The following PEX5L variants were observed in gnomAD, a reference collection of about 807,000 sequenced individuals.
PEX5L encodes the protein PEX5-related protein.
A neutral mutation model predicts 84.0 loss-of-function variants in PEX5L; 30 were observed. The observed-to-expected ratio is 0.36, with a 90% confidence interval of 0.27 to 0.48. PEX5L has a LOEUF of 0.48. PEX5L is among the 20% of genes least tolerant of loss of function. The probability of loss-of-function intolerance (pLI) is 0.99; values close to 1 mark genes in which losing one functional copy is unlikely to be tolerated. For missense variants in PEX5L, 533 were observed against 754.6 expected (o/e 0.71, Z 3.44); for synonymous variants, 270 against 283.1 (o/e 0.95, Z 0.46).
intron 2 of PEX5L, among the ~76,000 whole-genome samples, chr3:179,941,524 T>C (rs1318983639): frequency 1.3e-5 from 2 of 152,132 alleles, no homozygotes; most frequent in African/African-American, 4.8e-5. Flanking sequence ...ATTTCACAGA[T>C]GAAGGGACTG....
At chr3:179,839,583 C>A (rs1405175993) in intron 8 of PEX5L, among the ~76,000 whole-genome samples, 2 of 152,104 alleles carry the variant, frequency 1.3e-5, no homozygotes, top group Admixed American at 6.6e-5. Context: ...TTCTTTGGGT[C>A]CATTCACAGA....
At chr3:179,903,346 T>A (rs1475097967) in intron 2 of PEX5L, among the ~76,000 whole-genome samples, 1 of 152,116 alleles carries the variant, frequency 6.6e-6, no homozygotes, top group Non-Finnish European at 1.5e-5. Flanking sequence ...CTCAGCTTCC[T>A]AAGTAGCTGA....
At chr3:180,020,114 G>A (rs771143577) in intron 1 of PEX5L, among the ~76,000 whole-genome samples, 1 of 152,094 alleles carries the variant, frequency 6.6e-6, no homozygotes, top group Non-Finnish European at 1.5e-5. Flanking sequence ...AGAAAAATAT[G>A]AAAATAATCT....
intron 1 of PEX5L, among the ~76,000 whole-genome samples, chr3:180,034,328 C>A (rs1400445062): frequency 6.6e-6 from 1 of 152,166 alleles, no homozygotes; most frequent in Non-Finnish European, 1.5e-5. Flanking sequence ...ATCTGCTTAT[C>A]CCTGGTCCAC....
intron 1 of PEX5L, among the ~76,000 whole-genome samples, chr3:180,009,194 C>A (rs1789196107): frequency 6.6e-6 from 1 of 152,142 alleles, no homozygotes; most frequent in South Asian, 2.1e-4. Context: ...TTTATGGATT[C>A]ATTCACTAAA....
intron 3 of PEX5L, among the ~76,000 whole-genome samples, chr3:179,896,925 C>T (rs1012355005): frequency 6.6e-6 from 1 of 151,980 alleles, no homozygotes; most frequent in African/African-American, 2.4e-5. Context: ...AAATTTCTTT[C>T]CAATGATTAC....
intron 8 of PEX5L, among the ~76,000 whole-genome samples, chr3:179,857,094 C>T (rs1299526103): frequency 6.6e-6 from 1 of 152,106 alleles, no homozygotes; most frequent in Non-Finnish European, 1.5e-5. Flanking sequence ...AACTTGAAGC[C>T]TTCTAGGATT....
chr3:179,808,233 G>C, intron 13 of PEX5L, 39 bp downstream of exon 13: 1 of 1,492,326 alleles, frequency 6.7e-7, no homozygotes, highest in South Asian at 1.4e-5. Flanking sequence ...ATTTGTTACA[G>C]AGAACGCTGT....
At chr3:179,839,620 T>C (rs779111934) in intron 8 of PEX5L, among the ~76,000 whole-genome samples, 3 of 152,190 alleles carry the variant, frequency 2.0e-5, no homozygotes, top group South Asian at 2.1e-4. Context: ...TTCAATGCCA[T>C]AGAAACTCAC....
At chr3:179,970,759 C>T (rs1324382920) in intron 2 of PEX5L, among the ~76,000 whole-genome samples, 1 of 152,222 alleles carries the variant, frequency 6.6e-6, no homozygotes, top group Admixed American at 6.6e-5. Flanking sequence ...AATTCAGGTG[C>T]CTTTCTGTAA....
chr3:179,923,184 G>A (rs544873267), intron 2 of PEX5L, among the ~76,000 whole-genome samples: 6 of 151,614 alleles, frequency 4.0e-5, no homozygotes, highest in South Asian at 2.1e-4. Context: ...CCAGTTACTC[G>A]GGAGGCTGAG....
Position 179,925,230 on chromosome 3 carries a change from G to A in PEX5L, c.94-26984C>T, listed in dbSNP as rs541911945. Among the ~76,000 whole-genome samples, 10 of 152,244 alleles carry A rather than the reference G, an allele frequency of 6.6e-5. No individual in the cohort carries two copies. In the South Asian group the frequency reaches 2.1e-3, roughly 32 times the overall value. On this transcript the variant is annotated intron_variant, in intron 2 of 14. Transcript: ENST00000467460. ...TTTTCTTAATTTAATTTTTTGAATA[G>A]GTGTTACATTGATAGCGTTCAAAAA...
intron 1 of PEX5L, among the ~76,000 whole-genome samples, chr3:180,024,644 C>T (rs1790775693): frequency 6.6e-6 from 1 of 151,518 alleles, no homozygotes; most frequent in Non-Finnish European, 1.5e-5. Flanking sequence ...ATTGTGAGTA[C>T]AGCTCCTTCC....
intron 2 of PEX5L, among the ~76,000 whole-genome samples, chr3:179,963,363 T>TA (rs1045173776): frequency 6.6e-6 from 1 of 152,232 alleles, no homozygotes; most frequent in Non-Finnish European, 1.5e-5. Flanking sequence ...GGGGATTTTT[T>TA]ACATTTTAAA....
chr3:179,877,136 T>G (rs1752688331), intron 5 of PEX5L, among the ~76,000 whole-genome samples: 1 of 152,246 alleles, frequency 6.6e-6, no homozygotes, highest in Non-Finnish European at 1.5e-5. Flanking sequence ...GAATTAGGGA[T>G]GCTCAACCTG....
intron 2 of PEX5L, among the ~76,000 whole-genome samples, chr3:179,942,440 G>A (rs1278736446): frequency 1.3e-5 from 2 of 152,246 alleles, no homozygotes; most frequent in African/African-American, 4.8e-5. Context: ...GCTGGGCGGG[G>A]CTGGAGCCTG....
chr3:180,005,735 A>AG (rs925184500), intron 1 of PEX5L, among the ~76,000 whole-genome samples: 2 of 151,990 alleles, frequency 1.3e-5, no homozygotes, highest in African/African-American at 4.8e-5. Context: ...TCTCAAAAAA[A>AG]AAAAAATTAT....
intron 2 of PEX5L, among the ~76,000 whole-genome samples, chr3:179,899,181 G>A (rs928316781): frequency 6.6e-6 from 1 of 152,002 alleles, no homozygotes; most frequent in African/African-American, 2.4e-5. Flanking sequence ...ACTAGATATG[G>A]TATAATGGGA....
chr3:179,971,375 C>T (rs1422489050), intron 2 of PEX5L, among the ~76,000 whole-genome samples: 1 of 152,062 alleles, frequency 6.6e-6, no homozygotes, highest in Non-Finnish European at 1.5e-5. Flanking sequence ...AGCTTTATTT[C>T]CATCATTCTT....
Sources: allele counts gnomAD v4.1 joint callset (sites outside exome capture counted in the v4.1 genomes callset), GRCh38; gene constraint gnomAD v4.1.1; transcripts MANE v1.5; gene names NCBI Gene and HGNC (gene_info 2026-07-23, HGNC 2026-07-21).